PAPPA: variants seen among roughly 807,000 people sequenced by gnomAD.
PAPPA encodes the protein pappalysin 1.
A neutral mutation model predicts 164.0 loss-of-function variants in PAPPA; 60 were observed. The ratio of observed to expected loss-of-function variants is 0.37; its 90% CI spans 0.30 to 0.45. PAPPA has a LOEUF of 0.45. Among genes scored for constraint, PAPPA ranks in the 20% least tolerant of loss-of-function variants. The probability of loss-of-function intolerance (pLI) is 1.00; values close to 1 mark genes in which losing one functional copy is unlikely to be tolerated. For synonymous variants in PAPPA, 875 were observed against 814.1 expected, an observed-to-expected ratio of 1.07 and a Z score of -1.27; for missense variants, 1,782 against 2,087.3, an observed-to-expected ratio of 0.85 and a Z score of 2.85.
Position 116,347,303 on chromosome 9 carries a change from G to C in PAPPA, c.3964+94G>C. 9.3e-7 allele frequency: 1 copy of C among 1,071,376 alleles called. No homozygotes were observed. The highest frequency in any genetic ancestry group is 1.3e-6 in the Non-Finnish European group (1 of 742,996). The allele number at this position is 1,071,376 out of a possible 1,614,324, so 66.4% of individuals were successfully genotyped here. On this transcript the variant is annotated intron_variant, in intron 15 of 21. Transcript: ENST00000328252. This position sits in a 1 kb window ranked among gnomAD's most constrained non-coding sequence, Gnocchi z 4.5. Reference sequence around the variant, plus strand: ...CCTCTTTCTGGGTCTCAAACACCAAGGGTGGGATGGGTTTTATCTATGCTC... The same window carrying C: ...CCTCTTTCTGGGTCTCAAACACCAACGGTGGGATGGGTTTTATCTATGCTC...
At chr9:116,248,868 A>T (rs919870439) in intron 7 of PAPPA, among the ~76,000 whole-genome samples, 6 of 152,198 alleles carry the variant, frequency 3.9e-5, no homozygotes, top group Non-Finnish European at 7.3e-5. Context: ...AATACACATC[A>T]TATCTGGTAT....
intron 7 of PAPPA, among the ~76,000 whole-genome samples, chr9:116,251,321 C>T (rs1587972226): frequency 1.3e-5 from 2 of 152,162 alleles, no homozygotes; most frequent in East Asian, 3.9e-4. Flanking sequence ...TTTCATGGAA[C>T]TCAAGCCACT....
At position 116,235,578 on chromosome 9, in the gene PAPPA, C is replaced by T. The variant is rs776115359; in HGVS notation, c.2673C>T (p.Asp891=). Residue 891 remains aspartate (D), a synonymous_variant, in exon 7 of 22, where the codon GAC becomes GAT. Transcript: ENST00000328252. ...CCCTGAAGTATAAGGTGGTCCGGGA[C>T]CCTCCTCTCCAGATGGATGTGGCCT... is the stretch of plus-strand genomic sequence containing the variant. The part of the protein sequence containing the change: ...CKPLKYKVVR[D]PPLQMDVASI... 14 of 1,613,374 alleles carry T rather than the reference C, an allele frequency of 8.7e-6. No individual in the cohort carries two copies. The highest frequency in any genetic ancestry group is 2.2e-5 in the East Asian group (1 of 44,890).
rs147952019 is a variant in PAPPA, at chr9:116,277,821, C to T, written c.2953+6405C>T. On this transcript the variant is annotated intron_variant, in intron 9 of 21. Transcript: ENST00000328252. ...CCTCCTGAGTAGCTGGGATTACAGG[C>T]GCGTGCCACCACACCCAGCTACTTT... Among the ~76,000 whole-genome samples the T allele has an allele frequency of 7.3e-3, 1,112 of 152,224 alleles. 17 individuals are homozygous for T. The highest frequency in any genetic ancestry group is 0.025 in the African/African-American group (1,056 of 41,554).
At chr9:116,339,926 A>G (rs1846112342) in intron 13 of PAPPA, among the ~76,000 whole-genome samples, 1 of 152,224 alleles carries the variant, frequency 6.6e-6, no homozygotes, top group African/African-American at 2.4e-5. Flanking sequence ...TTACCTCTAC[A>G]TGGAATTTGA....
chr9:116,246,582 A>G (rs1472510688), intron 7 of PAPPA, among the ~76,000 whole-genome samples: 1 of 152,170 alleles, frequency 6.6e-6, no homozygotes, highest in Admixed American at 6.5e-5. Flanking sequence ...CCTCTTATAA[A>G]CATGCATGAA....
chr9:116,302,385 C>T (rs373864657), intron 9 of PAPPA, among the ~76,000 whole-genome samples: 19 of 152,216 alleles, frequency 1.2e-4, no homozygotes, highest in African/African-American at 4.6e-4. Context: ...CTCTCCATTT[C>T]CTCCTCCCCC....
At chr9:116,323,553 AAGAG>A (rs137903021) in intron 10 of PAPPA, among the ~76,000 whole-genome samples, 100 of 151,720 alleles carry the variant, frequency 6.6e-4, no homozygotes, top group African/African-American at 2.3e-3. Context: ...AAAAGAAAGA[AAGAG>A]AGAGAGAGAG....
intron 10 of PAPPA, among the ~76,000 whole-genome samples, chr9:116,311,418 A>C (rs2118907652): frequency 6.6e-6 from 1 of 152,330 alleles, no homozygotes; most frequent in East Asian, 1.9e-4. Context: ...GGACAAATGG[A>C]ATTAACCTTA....
Position 116,401,429 on chromosome 9 carries a change from C to T in PAPPA, c.*4813C>T, listed in dbSNP as rs961655813. ...ACAAATGGGGGCTTCTTAAACTACA[C>T]ACCAGCAGTCAGTGAGGAAAACTTT... On this transcript the variant is annotated 3_prime_UTR_variant, in exon 22 of 22. Coordinates refer to ENST00000328252, the MANE Select transcript of PAPPA (RefSeq NM_002581.5). 2.6e-5 allele frequency: 4 copies of T among 152,518 alleles called. No homozygotes were observed. The highest frequency in any genetic ancestry group is 5.9e-5 in the Non-Finnish European group (4 of 68,018). 9.4% of individuals were successfully genotyped at this position (152,518 alleles called of 1,614,324 possible).
intron 9 of PAPPA, among the ~76,000 whole-genome samples, chr9:116,282,101 T>C (rs1032730176): frequency 6.6e-6 from 1 of 152,232 alleles, no homozygotes; most frequent in Non-Finnish European, 1.5e-5. Context: ...CTCAGTATCC[T>C]TGGGCGATTT....
chr9:116,233,703 A>C (rs1378785351), intron 6 of PAPPA, among the ~76,000 whole-genome samples: 1 of 152,126 alleles, frequency 6.6e-6, no homozygotes, highest in Non-Finnish European at 1.5e-5. Context: ...GGTTAGAGGC[A>C]TTTACAGCCT....
At chr9:116,362,001 C>T (rs1283252129) in intron 17 of PAPPA, among the ~76,000 whole-genome samples, 2 of 152,044 alleles carry the variant, frequency 1.3e-5, no homozygotes, top group African/African-American at 4.8e-5. Flanking sequence ...TCACCCTCTT[C>T]ATGCCATTAT....
intron 4 of PAPPA, among the ~76,000 whole-genome samples, chr9:116,215,731 C>T (rs2118694227): frequency 6.6e-6 from 1 of 152,204 alleles, no homozygotes; most frequent in East Asian, 1.9e-4. Context: ...CACATGTACT[C>T]CTGAACTTAA....
intron 1 of PAPPA, among the ~76,000 whole-genome samples, chr9:116,171,222 T>C (rs1344762300): frequency 1.3e-5 from 2 of 152,148 alleles, no homozygotes. Context: ...TGGGACTCTT[T>C]TTTCCCACAG....
intron 2 of PAPPA, among the ~76,000 whole-genome samples, chr9:116,205,913 G>A (rs1490389591): frequency 6.6e-6 from 1 of 152,154 alleles, no homozygotes; most frequent in African/African-American, 2.4e-5. Flanking sequence ...TAGGGCTGTA[G>A]CTTAAGAATG....
chr9:116,344,055 C>G (rs113306580), intron 13 of PAPPA, among the ~76,000 whole-genome samples: 1 of 152,102 alleles, frequency 6.6e-6, no homozygotes, highest in Non-Finnish European at 1.5e-5. Context: ...CATGAGCCAC[C>G]GCGCCCAGCC....
intron 6 of PAPPA, among the ~76,000 whole-genome samples, chr9:116,227,849 A>G (rs1844534419): frequency 6.6e-6 from 1 of 152,196 alleles, no homozygotes; most frequent in Non-Finnish European, 1.5e-5. Context: ...GGGGGTATTT[A>G]TATATCCTTC....
At chr9:116,289,560 C>T (rs775356250) in intron 9 of PAPPA, among the ~76,000 whole-genome samples, 6 of 151,730 alleles carry the variant, frequency 4.0e-5, no homozygotes, top group Non-Finnish European at 7.4e-5. Flanking sequence ...CAGTCAGAAC[C>T]CTTGACCTCT....
Sources: allele counts gnomAD v4.1 joint callset (sites outside exome capture counted in the v4.1 genomes callset), GRCh38; gene constraint gnomAD v4.1.1; non-coding constraint Gnocchi (gnomAD v3.1); transcripts MANE v1.5; gene names NCBI Gene and HGNC (gene_info 2026-07-23, HGNC 2026-07-21).